The following MASTL variants were observed in gnomAD, a reference collection of about 807,000 sequenced individuals.
MASTL encodes microtubule associated serine/threonine kinase like.
MASTL carries 54 observed loss-of-function variants against 82.5 expected under a neutral mutation model. The observed-to-expected ratio is 0.65, with a 90% CI of 0.53 to 0.82. The LOEUF (loss-of-function observed/expected upper bound fraction) is 0.82, where lower values mean the gene tolerates loss of function less well. Among genes scored for constraint, MASTL ranks in the 40% least tolerant of loss-of-function variants. The probability of loss-of-function intolerance (pLI) is 0.00; values close to 1 mark genes in which losing one functional copy is unlikely to be tolerated. For missense variants in MASTL, 950 were observed against 1,047.8 expected, an observed-to-expected ratio of 0.91 and a Z score of 1.29; for synonymous variants, 323 against 368.9, an observed-to-expected ratio of 0.88 and a Z score of 1.43.
chr10:27,170,614 G>A lies in MASTL; in HGVS notation c.1655G>A (p.Ser552Asn). Residue 552 changes from serine (S) to asparagine (N), a missense_variant, in exon 8 of 12, where the codon AGT becomes AAT. Coordinates refer to ENST00000375940, the MANE Select transcript of MASTL (RefSeq NM_001172303.3). ...KNSKRDYLSS[S>N]FLCSDDDRAS... Reference sequence around the variant, plus strand: ...AGTAAGAGGGACTACTTAAGTTCTAGTTTTCTATGTTCTGATGATGATAGA... The same window carrying A: ...AGTAAGAGGGACTACTTAAGTTCTAATTTTCTATGTTCTGATGATGATAGA... The A allele has an allele frequency of 6.2e-7, 1 of 1,607,210 alleles. No homozygotes were observed. Among genetic ancestry groups the A allele is most frequent in the Non-Finnish European group, 8.5e-7 (1 of 1,177,506 alleles).
chr10:27,186,536 G>A lies in MASTL; in HGVS notation c.2640G>A (p.Ter880=), dbSNP rs1588837795. ...QHLTVSGFSL[*] Reference sequence around the variant, plus strand: ...TGACTGTATCTGGATTTAGTCTGTAGCACAAAAATTTTCCTTTTAGTCTAG... The same window carrying A: ...TGACTGTATCTGGATTTAGTCTGTAACACAAAAATTTTCCTTTTAGTCTAG... Residue 880 remains the stop codon, a stop_retained_variant, in exon 12 of 12, where the codon TAG becomes TAA. Coordinates refer to ENST00000375940, the MANE Select transcript of MASTL (RefSeq NM_001172303.3). The A allele has an allele frequency of 6.2e-7, 1 of 1,613,818 alleles. No individual in the cohort carries two copies. Among genetic ancestry groups the A allele is most frequent in the South Asian group, 1.1e-5 (1 of 91,080 alleles).
chr10:27,169,633 T>C (rs1322985115), intron 7 of MASTL, among the ~76,000 whole-genome samples: 1 of 152,104 alleles, frequency 6.6e-6, no homozygotes. Flanking sequence ...AATGCAGCCT[T>C]ACCCCAAAAT....
At chr10:27,175,954 A>C (rs2058088578) in intron 9 of MASTL, among the ~76,000 whole-genome samples, 1 of 151,978 alleles carries the variant, frequency 6.6e-6, no homozygotes. Context: ...AAAATTAGCC[A>C]GGCGTGGTGG....
intron 1 of MASTL, among the ~76,000 whole-genome samples, chr10:27,155,828 A>C (rs1564477429): frequency 6.6e-6 from 1 of 151,938 alleles, no homozygotes. Context: ...TCCATATCTC[A>C]GATGCCCAGT....
Position 27,159,447 on chromosome 10 carries a change from A to C in MASTL, c.325-172A>C, listed in dbSNP as rs1315298325. Reference sequence around the variant, plus strand: ...CTAAACAGTTTAATTTTTAATTAAAAACTGTTATGGCAACATGAATAAACC... The same window carrying C: ...CTAAACAGTTTAATTTTTAATTAAACACTGTTATGGCAACATGAATAAACC... On this transcript the variant is annotated intron_variant, in intron 2 of 11. Coordinates refer to ENST00000375940, the MANE Select transcript of MASTL (RefSeq NM_001172303.3). The surrounding 1 kb of genome is among the most constrained non-coding windows in gnomAD (Gnocchi z 4.0). 2.0e-5 allele frequency among the ~76,000 whole-genome samples: 3 copies of C among 152,202 alleles called. No individual in the cohort carries two copies. The highest frequency in any genetic ancestry group is 6.5e-5 in the Admixed American group (1 of 15,276).
At chr10:27,163,523 TATC>T (rs1205247639) in intron 4 of MASTL, among the ~76,000 whole-genome samples, 4 of 152,338 alleles carry the variant, frequency 2.6e-5, no homozygotes, top group African/African-American at 7.2e-5. Flanking sequence ...TTTTGTAAAA[TATC>T]ATATACGTGT....
At chr10:27,164,594 C>T (rs188514119) in intron 4 of MASTL, among the ~76,000 whole-genome samples, 25 of 152,154 alleles carry the variant, frequency 1.6e-4, no homozygotes, top group Non-Finnish European at 3.2e-4. Context: ...TATTAGCTAA[C>T]GTGAGGGGCC....
Position 27,165,445 on chromosome 10 carries a change from GTC to G in MASTL, c.719_720del (p.Ser240Ter). ...DPANILSACL[S>X]ETSQLSQGLV... The stretch of plus-strand genomic sequence containing the variant: ...CTGCAAACATCCTTTCAGCCTGTCT[GTC>G]TGAAACATCACAGCTTTCTCAAGGA... On this transcript the variant is annotated frameshift_variant, in exon 6 of 12. Coordinates refer to ENST00000375940, the MANE Select transcript of MASTL (RefSeq NM_001172303.3). LOFTEE classifies it high-confidence loss of function. 6.2e-7 allele frequency: 1 copy of G among 1,614,158 alleles called. No individual in the cohort carries two copies.
At chr10:27,175,261 C>T (rs551945720) in intron 9 of MASTL, among the ~76,000 whole-genome samples, 1 of 152,186 alleles carries the variant, frequency 6.6e-6, no homozygotes, top group South Asian at 2.1e-4. Context: ...CAGCTCACTG[C>T]AACCTCCGTC....
At chr10:27,179,561 A>G (rs964110391) in intron 9 of MASTL, among the ~76,000 whole-genome samples, 2 of 152,184 alleles carry the variant, frequency 1.3e-5, no homozygotes, top group African/African-American at 4.8e-5. Flanking sequence ...CGTCTCAAAA[A>G]ACAAACAAAC....
intron 9 of MASTL, among the ~76,000 whole-genome samples, chr10:27,178,754 A>AT (rs911494323): frequency 1.3e-4 from 19 of 149,558 alleles, no homozygotes; most frequent in African/African-American, 3.0e-4. Flanking sequence ...AAATAAGGAA[A>AT]TTTTTTTTTT....
At position 27,159,830 on chromosome 10, in the gene MASTL, T is replaced by C. The variant is rs1163248515; in HGVS notation, c.464+72T>C. 1.5e-6 allele frequency: 2 copies of C among 1,318,292 alleles called. No individual in the cohort carries two copies. 81.7% of individuals were successfully genotyped at this position (1,318,292 alleles called of 1,614,324 possible). A position where few individuals can be genotyped will look rare whatever the true frequency, so the allele number is the denominator to read the frequency against. ...AAATTACATATTTGAGTCTCAGATA[T>C]TCACAGTAACCACTTGCACTTATTT... On this transcript the variant is annotated intron_variant, in intron 3 of 11. Transcript: ENST00000375940. The surrounding 1 kb of genome is among the most constrained non-coding windows in gnomAD (Gnocchi z 4.0).
At chr10:27,176,991 C>G (rs2058122247) in intron 9 of MASTL, among the ~76,000 whole-genome samples, 1 of 151,864 alleles carries the variant, frequency 6.6e-6, no homozygotes, top group Admixed American at 6.6e-5. Context: ...TTTACAGGCA[C>G]CTGCCCCCAT....
At position 27,161,195 on chromosome 10, in the gene MASTL, T is replaced by C. The variant is rs2057560177; in HGVS notation, c.553+13T>C. 1 of 1,450,094 alleles carries C rather than the reference T, an allele frequency of 6.9e-7. No homozygotes were observed. The highest frequency in any genetic ancestry group is 1.1e-5 in the South Asian group (1 of 87,822). The allele number at this position is 1,450,094 out of a possible 1,614,324, so 89.8% of individuals were successfully genotyped here. A position where few individuals can be genotyped will look rare whatever the true frequency, so the allele number is the denominator to read the frequency against. On this transcript the variant is annotated intron_variant, in intron 4 of 11. Coordinates refer to ENST00000375940, the MANE Select transcript of MASTL (RefSeq NM_001172303.3). Reference sequence around the variant, plus strand: ...ACTTTGAATAGAGGTAAGAAAAATATCAAGTAAGTACTTTTTTAAAACATC... The same window carrying C: ...ACTTTGAATAGAGGTAAGAAAAATACCAAGTAAGTACTTTTTTAAAACATC...
intron 11 of MASTL, among the ~76,000 whole-genome samples, chr10:27,182,421 T>C (rs188065512): frequency 8.7e-4 from 132 of 152,156 alleles, no homozygotes; most frequent in Non-Finnish European, 1.6e-3. Context: ...AAATTTAGTG[T>C]GGTCAAATGG....
At chr10:27,158,958 G>A (rs937874234) in intron 2 of MASTL, among the ~76,000 whole-genome samples, 10 of 152,224 alleles carry the variant, frequency 6.6e-5, no homozygotes, top group Admixed American at 3.3e-4. Context: ...CAAGCACTTC[G>A]AGAGGCTGAG....
At position 27,187,278 on chromosome 10, in the gene MASTL, C is replaced by T. The variant is rs1212941743; in HGVS notation, c.*742C>T. On this transcript the variant is annotated 3_prime_UTR_variant, in exon 12 of 12. Transcript: ENST00000375940. ...TCGTGCCACTGCACTCCAGCCTGGG[C>T]AACAGAACAAGACTCCGTCTCAAAA... Among the ~76,000 whole-genome samples, 1 of 151,988 alleles carries T rather than the reference C, an allele frequency of 6.6e-6. No individual in the cohort carries two copies. The highest frequency in any genetic ancestry group is 1.5e-5 in the Non-Finnish European group (1 of 68,002).
In MASTL at chr10:27,158,687, G is replaced by T; in HGVS notation, c.324+1G>T. 6.2e-7 allele frequency: 1 copy of T among 1,613,642 alleles called. No homozygotes were observed. The highest frequency in any genetic ancestry group is 8.5e-7 in the Non-Finnish European group (1 of 1,179,596). ...GCAGTCTGCAAACAATGTCTACTTG[G>T]TGAGTAAATAATTTTTATGTTGTTT... is the stretch of plus-strand genomic sequence containing the variant. On this transcript the variant is annotated splice_donor_variant, in intron 2 of 11. Coordinates refer to ENST00000375940, the MANE Select transcript of MASTL (RefSeq NM_001172303.3). LOFTEE classifies it high-confidence loss of function.
intron 1 of MASTL, among the ~76,000 whole-genome samples, chr10:27,156,044 T>G (rs1450779303): frequency 1.1e-4 from 17 of 152,230 alleles, no homozygotes; most frequent in South Asian, 4.1e-4. Context: ...TTGCTCTGTT[T>G]CCCAGGCTGG....
Sources: gnomAD v4.1 joint callset for allele counts (sites outside exome capture counted in the v4.1 genomes callset) on GRCh38, gnomAD v4.1.1 for gene constraint, Gnocchi (gnomAD v3.1) non-coding constraint, MANE v1.5 for transcripts, NCBI Gene and HGNC (gene_info 2026-07-23, HGNC 2026-07-21) for gene names.